KCNIP1: variants seen among roughly 807,000 people sequenced by gnomAD.
The protein encoded by KCNIP1 is A-type potassium channel modulatory protein KCNIP1.
Under a neutral mutation model 33.0 loss-of-function variants are expected in KCNIP1, and 18 were observed. That is an observed-to-expected ratio of 0.55 (90% CI 0.38 to 0.81). The LOEUF (loss-of-function observed/expected upper bound fraction) is 0.81. Ranked by LOEUF, KCNIP1 falls within the 30% of genes least tolerant of loss-of-function variation. The pLI, the probability that KCNIP1 is intolerant of heterozygous loss-of-function variation, is 0.00. For missense variants in KCNIP1, 238 were observed against 271.6 expected, an observed-to-expected ratio of 0.88 and a Z score of 0.87; for synonymous variants, 93 against 98.3, an observed-to-expected ratio of 0.95 and a Z score of 0.32.
chr5:170,372,204 CACTT>C (rs138877457), intron 1 of KCNIP1, among the ~76,000 whole-genome samples: 281 of 152,258 alleles, frequency 1.8e-3, no homozygotes, highest in African/African-American at 6.5e-3. Flanking sequence ...TTACTATTGA[CACTT>C]ACTATTACAT....
At chr5:170,663,913 T>G (rs1304201509) in intron 1 of KCNIP1, among the ~76,000 whole-genome samples, 1 of 88,478 alleles carries the variant, frequency 1.1e-5, no homozygotes, top group Admixed American at 1.0e-4. Flanking sequence ...CACCATCCTT[T>G]CTATACTCTC....
At chr5:170,565,219 C>A (rs1485446092) in intron 1 of KCNIP1, among the ~76,000 whole-genome samples, 1 of 152,072 alleles carries the variant, frequency 6.6e-6, no homozygotes, top group Non-Finnish European at 1.5e-5. Context: ...ACGTTCAGAT[C>A]TCTATTAGAG....
intron 1 of KCNIP1, among the ~76,000 whole-genome samples, chr5:170,427,782 T>A (rs1477626639): frequency 6.6e-6 from 1 of 152,194 alleles, no homozygotes; most frequent in Non-Finnish European, 1.5e-5. Flanking sequence ...AAGGAAAGTG[T>A]GCTGCCAGGC....
intron 1 of KCNIP1, among the ~76,000 whole-genome samples, chr5:170,660,534 C>T (rs1262665652): frequency 6.6e-6 from 1 of 152,156 alleles, no homozygotes; most frequent in African/African-American, 2.4e-5. Flanking sequence ...TGGGTGGCAG[C>T]TAAAGAGCTA....
chr5:170,606,539 C>G (rs1758927291), intron 1 of KCNIP1, among the ~76,000 whole-genome samples: 1 of 152,096 alleles, frequency 6.6e-6, no homozygotes, highest in Admixed American at 6.6e-5. Flanking sequence ...GGCTGGAGAA[C>G]AGGAAGATGA....
At chr5:170,471,739 CCTCT>C (rs765700478) in intron 1 of KCNIP1, among the ~76,000 whole-genome samples, 2 of 152,234 alleles carry the variant, frequency 1.3e-5, no homozygotes, top group South Asian at 2.1e-4. Context: ...CACCCTGGGG[CCTCT>C]CTCTCTGTCC....
At chr5:170,495,008 T>C (rs1256517406) in intron 1 of KCNIP1, among the ~76,000 whole-genome samples, 1 of 152,218 alleles carries the variant, frequency 6.6e-6, no homozygotes, top group Admixed American at 6.5e-5. Flanking sequence ...GAATTTCAGG[T>C]AACTCACTCT....
At chr5:170,678,040 C>A (rs1762208931) in intron 1 of KCNIP1, among the ~76,000 whole-genome samples, 1 of 152,198 alleles carries the variant, frequency 6.6e-6, no homozygotes, top group South Asian at 2.1e-4. Context: ...TCCATGAGTG[C>A]CCCAATTAGG....
chr5:170,425,961 T>G (rs1361970783), intron 1 of KCNIP1, among the ~76,000 whole-genome samples: 1 of 152,198 alleles, frequency 6.6e-6, no homozygotes, highest in East Asian at 1.9e-4. Context: ...CGTGGCATGC[T>G]CTAGGACTCA....
chr5:170,360,064 A>G (rs995776416), intron 1 of KCNIP1, among the ~76,000 whole-genome samples: 1 of 152,198 alleles, frequency 6.6e-6, no homozygotes, highest in East Asian at 1.9e-4. Context: ...TCAGGCTGCC[A>G]CACCACAGCC....
At chr5:170,700,648 G>T (rs555959872) in intron 1 of KCNIP1, among the ~76,000 whole-genome samples, 1 of 152,226 alleles carries the variant, frequency 6.6e-6, no homozygotes, top group Non-Finnish European at 1.5e-5. Flanking sequence ...TTCATGCATG[G>T]AATTGTGATT....
At chr5:170,707,130 G>A (rs1763281551) in intron 1 of KCNIP1, among the ~76,000 whole-genome samples, 1 of 144,224 alleles carries the variant, frequency 6.9e-6, no homozygotes, top group Admixed American at 7.2e-5. Context: ...GAGCTGCAGA[G>A]ACTGCTGGAA....
chr5:170,641,889 C>A (rs1016255510), intron 1 of KCNIP1, among the ~76,000 whole-genome samples: 1 of 152,158 alleles, frequency 6.6e-6, no homozygotes, highest in African/African-American at 2.4e-5. Context: ...GCTCAGAAGG[C>A]CCTCGTCCTC....
At position 170,470,086 on chromosome 5, in the gene KCNIP1, C is replaced by T. The variant is rs115367223; in HGVS notation, c.88+116122C>T. Among the ~76,000 whole-genome samples, 546 of 152,248 alleles carry T rather than the reference C, an allele frequency of 3.6e-3. 2 individuals are homozygous for T. The highest frequency in any genetic ancestry group is 6.8e-3 in the Middle Eastern group (2 of 294). ...TGGAAGAGCCAATCTGAGCTGTCGC[C>T]CCATTCCTACAGAACTAGCTGCCCG... On this transcript the variant is annotated intron_variant, in intron 1 of 7. Coordinates refer to the KCNIP1 transcript ENST00000377360.
chr5:170,594,204 A>G (rs1758364578), intron 1 of KCNIP1, among the ~76,000 whole-genome samples: 3 of 152,322 alleles, frequency 2.0e-5, no homozygotes, highest in African/African-American at 7.2e-5. Context: ...TTCCGTGACT[A>G]TTCCCATCTT....
chr5:170,630,330 TC>T (rs535461287), intron 1 of KCNIP1, among the ~76,000 whole-genome samples: 209 of 152,344 alleles, frequency 1.4e-3, no homozygotes, highest in Non-Finnish European at 2.3e-3. Context: ...TACTGAGTGC[TC>T]CGACTCCAGC....
In KCNIP1 at chr5:170,504,068, C is replaced by A; in HGVS notation, c.-505C>A. The A allele has an allele frequency of 1.0e-6, 1 of 984,872 alleles. No homozygotes were observed. Among genetic ancestry groups the A allele is most frequent in the Non-Finnish European group, 1.2e-6 (1 of 829,972 alleles). The allele number at this position is 984,872 out of a possible 1,614,324, so 61.0% of individuals were successfully genotyped here. ...GCAGGCAGCAGGCAGCAGGCGGGCG[C>A]GCTGTGGCTCCGCGCCGCGCGGTCC... On this transcript the variant is annotated 5_prime_UTR_variant, in exon 1 of 8. Transcript: ENST00000328939. This position sits in a 1 kb window ranked among gnomAD's most constrained non-coding sequence, Gnocchi z 6.0.
chr5:170,615,370 C>T (rs1581400708), intron 1 of KCNIP1, among the ~76,000 whole-genome samples: 1 of 152,212 alleles, frequency 6.6e-6, no homozygotes, highest in African/African-American at 2.4e-5. Context: ...AAGACCGTGG[C>T]TCCTTCGCAG....
intron 1 of KCNIP1, among the ~76,000 whole-genome samples, chr5:170,608,859 C>G (rs1254659231): frequency 6.6e-6 from 1 of 152,130 alleles, no homozygotes; most frequent in East Asian, 1.9e-4. Flanking sequence ...CCCCCTTACT[C>G]TGTAAAATCT....
Sources: gnomAD v4.1 joint callset for allele counts (sites outside exome capture counted in the v4.1 genomes callset) on GRCh38, gnomAD v4.1.1 for gene constraint, Gnocchi (gnomAD v3.1) non-coding constraint, MANE v1.5 for transcripts, NCBI Gene and HGNC (gene_info 2026-07-23, HGNC 2026-07-21) for gene names.